The following RTCA variants were observed in gnomAD, a reference collection of about 807,000 sequenced individuals.
RTCA encodes RNA 3'-terminal phosphate cyclase, also known as RNA terminal phosphate cyclase domain 1.
Under a neutral mutation model 46.1 loss-of-function variants are expected in RTCA, and 37 were observed. That is an observed-to-expected ratio of 0.80 (90% CI 0.62 to 1.06). The LOEUF (loss-of-function observed/expected upper bound fraction) is 1.06, where lower values mean the gene tolerates loss of function less well. RTCA is among the 50% of genes least tolerant of loss of function. RTCA has a pLI of 0.00. For synonymous variants in RTCA, 164 were observed against 158.3 expected (o/e 1.04, Z -0.27); for missense variants, 435 against 455.5 (o/e 0.95, Z 0.41).
chr1:100,267,664 T>TTTA, intron 2 of RTCA: 1 of 1,036,632 alleles, frequency 9.6e-7, no homozygotes, highest in Non-Finnish European at 1.3e-6. Flanking sequence ...TTTTTTTTTT[T>TTTA]TATAAGGACA....
At chr1:100,280,064 A>C (rs969791977) in intron 8 of RTCA, among the ~76,000 whole-genome samples, 1 of 152,224 alleles carries the variant, frequency 6.6e-6, no homozygotes, top group South Asian at 2.1e-4. Context: ...GGCCTGTGCC[A>C]AGGAATGCTG....
chr1:100,280,443 A>G (rs1019133378), intron 8 of RTCA, among the ~76,000 whole-genome samples: 1 of 152,208 alleles, frequency 6.6e-6, no homozygotes, highest in Non-Finnish European at 1.5e-5. Flanking sequence ...ACACTTGTAG[A>G]GTACACAGTA....
At chr1:100,286,385 C>T (rs904193423) in intron 9 of RTCA, among the ~76,000 whole-genome samples, 6 of 128,934 alleles carry the variant, frequency 4.7e-5, no homozygotes, top group African/African-American at 1.2e-4. Flanking sequence ...ACCTGGGAGG[C>T]GGAGTTTTGC....
chr1:100,267,540 T>G (rs746058029), intron 2 of RTCA: 2 of 1,546,004 alleles, frequency 1.3e-6, no homozygotes, highest in Non-Finnish European at 1.7e-6. Context: ...CCTGACAAGG[T>G]TGGTTTCCTC....
chr1:100,275,510 A>G, intron 6 of RTCA, 89 bp from the exon 7 acceptor site: 1 of 963,302 alleles, frequency 1.0e-6, no homozygotes, highest in Non-Finnish European at 1.5e-6. Context: ...AAAAGCTACC[A>G]ATTATTTTAT....
intron 3 of RTCA, 106 bp downstream of exon 3, chr1:100,268,401 A>T: frequency 2.5e-5 from 22 of 881,540 alleles, no homozygotes; most frequent in East Asian, 3.1e-5. Flanking sequence ...CCCTACTTTT[A>T]TGTTTTTTTT....
At chr1:100,288,455 G>A (rs1444530521) in intron 10 of RTCA, among the ~76,000 whole-genome samples, 1 of 152,052 alleles carries the variant, frequency 6.6e-6, no homozygotes, top group African/African-American at 2.4e-5. Flanking sequence ...CTGTTGCCCA[G>A]GCTGGATTGC....
intron 8 of RTCA, among the ~76,000 whole-genome samples, chr1:100,283,922 TAAAAAAAAAAAAGAA>T (rs1189113176): frequency 5.4e-3 from 62 of 11,384 alleles, no homozygotes; most frequent in Admixed American, 0.013. Flanking sequence ...ACCTAGTCGC[TAAAAAAAAAAAAGAA>T]AAAAAAAAAA....
intron 8 of RTCA, 71 bp downstream of exon 8, chr1:100,277,387 TG>T (rs1283938914): frequency 7.8e-6 from 10 of 1,280,102 alleles, no homozygotes; most frequent in Non-Finnish European, 1.1e-5. Flanking sequence ...AGGATTGGAA[TG>T]TTATAGAATG....
chr1:100,277,344 TC>T, intron 8 of RTCA, 28 bp downstream of exon 8: 2 of 1,573,772 alleles, frequency 1.3e-6, no homozygotes, highest in Middle Eastern at 1.7e-4. Context: ...GGTCCATAGT[TC>T]CCAATGCTAC....
In RTCA at chr1:100,274,985, T is replaced by G. The variant is rs765908987; in HGVS notation, c.615+20T>G. 1.2e-5 allele frequency: 19 copies of G among 1,578,466 alleles called. No individual in the cohort carries two copies. The highest frequency in any genetic ancestry group is 2.7e-5 in the African/African-American group (2 of 74,182). Reference sequence around the variant, plus strand: ...TTTAAAGTAAGTTGTTTAGATGTTCTTAGAAATAAAATATATGTGTGTCTT... The same window carrying G: ...TTTAAAGTAAGTTGTTTAGATGTTCGTAGAAATAAAATATATGTGTGTCTT... On this transcript the variant is annotated intron_variant, in intron 6 of 10. Coordinates refer to ENST00000370128, the MANE Select transcript of RTCA (RefSeq NM_003729.4).
At chr1:100,285,198 GTTTT>G in intron 8 of RTCA, 26 bp from the exon 9 acceptor site, 1 of 1,543,830 alleles carries the variant, frequency 6.5e-7, no homozygotes, top group Non-Finnish European at 8.9e-7. Flanking sequence ...GTTTTGTTTT[GTTTT>G]GTTTTAATGT....
rs974616369 is a variant in RTCA at position 100,292,374 on chromosome 1, C to T, written c.*870C>T. 2.0e-5 allele frequency: 3 copies of T among 152,230 alleles called. No homozygotes were observed. The highest frequency in any genetic ancestry group is 6.5e-5 in the Admixed American group (1 of 15,268). 9.4% of individuals were successfully genotyped at this position (152,230 alleles called of 1,614,324 possible). A position where few individuals can be genotyped will look rare whatever the true frequency, so the allele number is the denominator to read the frequency against. ...TTGGAGTGCAGTGGCACAATCTCAGCTCACTGCAACCTCCGCCTTCCAGGT... is the reference window on the plus strand; with the variant it reads ...TTGGAGTGCAGTGGCACAATCTCAGTTCACTGCAACCTCCGCCTTCCAGGT... On this transcript the variant is annotated 3_prime_UTR_variant, in exon 11 of 11. Transcript: ENST00000370128.
chr1:100,279,234 A>T (rs1266011874), intron 8 of RTCA, among the ~76,000 whole-genome samples: 1 of 152,168 alleles, frequency 6.6e-6, no homozygotes, highest in East Asian at 1.9e-4. Flanking sequence ...TGTACTAGGG[A>T]TTCAAAAGTG....
chr1:100,284,970 A>G (rs893371722), intron 8 of RTCA, among the ~76,000 whole-genome samples: 1 of 152,354 alleles, frequency 6.6e-6, no homozygotes, highest in Admixed American at 6.5e-5. Context: ...GGCTTTATAA[A>G]TTAGTACATT....
At chr1:100,275,786 A>G in intron 7 of RTCA, 63 bp downstream of exon 7, 1 of 1,396,222 alleles carries the variant, frequency 7.2e-7, no homozygotes, top group Non-Finnish European at 9.7e-7. Context: ...TAATTAAATT[A>G]AAGATTTTTA....
intron 2 of RTCA, chr1:100,267,648 C>A: frequency 3.0e-5 from 28 of 938,918 alleles, no homozygotes; most frequent in South Asian, 6.7e-5. Context: ...TCTGTATGTT[C>A]TAGTTTTTTT....
chr1:100,287,785 T>C (rs903857358), intron 10 of RTCA, among the ~76,000 whole-genome samples: 8 of 135,540 alleles, frequency 5.9e-5, no homozygotes, highest in African/African-American at 2.2e-4. Context: ...ATACCTTTCC[T>C]ACAGGATTCT....
chr1:100,277,463 C>A, intron 8 of RTCA, 147 bp downstream of exon 8: 1 of 754,144 alleles, frequency 1.3e-6, no homozygotes, highest in Non-Finnish European at 2.1e-6. Context: ...CACTTTCAGA[C>A]TTTCAGTCTT....
Sources: allele counts gnomAD v4.1 joint callset (sites outside exome capture counted in the v4.1 genomes callset), GRCh38; gene constraint gnomAD v4.1.1; transcripts MANE v1.5; gene names NCBI Gene and HGNC (gene_info 2026-07-23, HGNC 2026-07-21).